FUT4: variants seen among roughly 807,000 people sequenced by gnomAD.
FUT4 encodes fucosyltransferase 4.
FUT4 carries 1 observed loss-of-function variant against 3.8 expected under a neutral mutation model. The ratio of observed to expected loss-of-function variants is 0.26; its 90% CI spans 0.09 to 1.25. The LOEUF is 1.25. Among genes scored for constraint, FUT4 ranks in the 50% most tolerant of loss-of-function variants. The pLI, the probability that FUT4 is intolerant of heterozygous loss-of-function variation, is 0.47. For synonymous variants in FUT4, 417 were observed against 355.3 expected (o/e 1.17, Z -1.95); for missense variants, 880 against 768.2 (o/e 1.15, Z -1.72).
chr11:94,545,452 T>A lies in FUT4; in HGVS notation c.1319T>A (p.Leu440Gln). 6.2e-7 allele frequency: 1 copy of A among 1,613,220 alleles called. No homozygotes were observed. Among genetic ancestry groups the A allele is most frequent in the Non-Finnish European group, 8.5e-7 (1 of 1,179,802 alleles). ...CTCGCTGGGGCGGTGCCGGTGGTGC[T>A]GGGCCCAGACCGTGCCAACTACGAG... ...ALLAGAVPVVLGPDRANYERF... is the reference protein window; with the variant it reads ...ALLAGAVPVVQGPDRANYERF... The change falls in exon 1 of 1, where the codon CTG becomes CAG. Residue 440 changes from leucine (L) to glutamine (Q), a missense_variant. Coordinates refer to ENST00000358752, the MANE Select transcript of FUT4 (RefSeq NM_002033.4).
In FUT4 at chr11:94,546,819, GA is replaced by G. The variant is rs1245346013; in HGVS notation, c.*1100del. On this transcript the variant is annotated 3_prime_UTR_variant, in exon 1 of 1. Transcript: ENST00000358752. ...ACTACATTATGGAATCATGCAAAAG[GA>G]AAAAAAGTTTCATGATATCTGTTGT... 1.8e-5 allele frequency: 3 copies of G among 166,720 alleles called. No homozygotes were observed. The highest frequency in any genetic ancestry group is 2.1e-4 in the South Asian group (1 of 4,824). 10.3% of individuals were successfully genotyped at this position (166,720 alleles called of 1,614,324 possible).
Position 94,544,530 on chromosome 11 carries a change from C to CCGACGG in FUT4, c.400_405dup (p.Thr134_Ala135dup), listed in dbSNP as rs2135196738. ...CGCCATGGGGGCACCGTGGGGCTCG[C>CCGACGG]CGACGGCGGCGGCGGGCGGGCGGCG... On this transcript the variant is annotated inframe_insertion, in exon 1 of 1. Transcript: ENST00000358752. 7.7e-7 allele frequency: 1 copy of CCGACGG among 1,293,886 alleles called. No homozygotes were observed. The highest frequency in any genetic ancestry group is 9.7e-7 in the Non-Finnish European group (1 of 1,029,066). The allele number at this position is 1,293,886 out of a possible 1,614,324, so 80.2% of individuals were successfully genotyped here.
At position 94,545,425 on chromosome 11, in the gene FUT4, T is replaced by C. The variant is rs1460750439; in HGVS notation, c.1292T>C (p.Leu431Ser). The change falls in exon 1 of 1, where the codon TTG becomes TCG. Residue 431 changes from leucine to serine, a missense_variant. By Grantham distance (145) the Leu-to-Ser change is moderately radical. Transcript: ENST00000358752. Reference sequence around the variant, plus strand: ...ACCGAGAAGCTCTGGCGCAACGCGTTGCTCGCTGGGGCGGTGCCGGTGGTG... The same window carrying C: ...ACCGAGAAGCTCTGGCGCAACGCGTCGCTCGCTGGGGCGGTGCCGGTGGTG... ...YITEKLWRNA[L>S]LAGAVPVVLG... is the part of the protein sequence containing the mutation. 1 of 1,613,238 alleles carries C rather than the reference T, an allele frequency of 6.2e-7. No individual in the cohort carries two copies. The highest frequency in any genetic ancestry group is 8.5e-7 in the Non-Finnish European group (1 of 1,179,798).
Position 94,545,084 on chromosome 11 carries a change from G to A in FUT4, c.951G>A (p.Thr317=). 6.2e-7 allele frequency: 1 copy of A among 1,612,606 alleles called. No individual in the cohort carries two copies. The highest frequency in any genetic ancestry group is 8.5e-7 in the Non-Finnish European group (1 of 1,179,748). ...TGGCAAGTAACCTCTTCAACTGGAC[G>A]CTCTCCTACCGGGCGGACTCGGACG... ...RSLASNLFNW[T]LSYRADSDVF... is the part of the protein sequence containing the mutation. The change falls in exon 1 of 1, where the codon ACG becomes ACA. Residue 317 remains threonine, a synonymous_variant. Coordinates refer to ENST00000358752, the MANE Select transcript of FUT4 (RefSeq NM_002033.4).
Position 94,545,823 on chromosome 11 carries a change from GTTC to G in FUT4, c.*101_*103del. Reference sequence around the variant, plus strand: ...CTTGACTGCCGCATCATGGGAGTAAGTTCTTCAAACACCCATTTTTGCTCTATG... The same window carrying G: ...CTTGACTGCCGCATCATGGGAGTAAGTTCAAACACCCATTTTTGCTCTATG... On this transcript the variant is annotated 3_prime_UTR_variant, in exon 1 of 1. Coordinates refer to ENST00000358752, the MANE Select transcript of FUT4 (RefSeq NM_002033.4). 1 of 1,415,748 alleles carries G rather than the reference GTTC, an allele frequency of 7.1e-7. No individual in the cohort carries two copies. The highest frequency in any genetic ancestry group is 9.8e-7 in the Non-Finnish European group (1 of 1,024,250). The allele number at this position is 1,415,748 out of a possible 1,614,324, so 87.7% of individuals were successfully genotyped here. A position where few individuals can be genotyped will look rare whatever the true frequency, so the allele number is the denominator to read the frequency against.
At position 94,544,411 on chromosome 11, in the gene FUT4, A is replaced by G. The variant is rs1329609422; in HGVS notation, c.278A>G (p.Gln93Arg). The change falls in exon 1 of 1, where the codon CAG becomes CGG. Residue 93 changes from glutamine (Q) to arginine (R), a missense_variant. Around this residue, in one of 3 missense-constraint regions of FUT4, gnomAD observed 447 missense variants for 339.5 expected, o/e 1.32. Transcript: ENST00000358752. ...CATTCCCGGGCCAGCGGCGAGCGGCAGCGACGGCTGGAGCCGCAGCTACAG... is the reference window on the plus strand; with the variant it reads ...CATTCCCGGGCCAGCGGCGAGCGGCGGCGACGGCTGGAGCCGCAGCTACAG... ...PFHSRASGER[Q>R]RRLEPQLQHE... 1 of 1,528,708 alleles carries G rather than the reference A, an allele frequency of 6.5e-7. No homozygotes were observed. Among genetic ancestry groups the G allele is most frequent in the Non-Finnish European group, 8.7e-7 (1 of 1,145,826 alleles). 94.7% of individuals were successfully genotyped at this position (1,528,708 alleles called of 1,614,324 possible). A position where few individuals can be genotyped will look rare whatever the true frequency, so the allele number is the denominator to read the frequency against.
rs1947865202 is a variant in FUT4, at chr11:94,546,692, A to G, written c.*966A>G. ...GGAAGCCATAGTGTCACTTCCACAC[A>G]ATTATTTATTTCATGTCTTTACTGG... On this transcript the variant is annotated 3_prime_UTR_variant, in exon 1 of 1. Transcript: ENST00000358752. 6.0e-6 allele frequency: 1 copy of G among 166,818 alleles called. No homozygotes were observed. Among genetic ancestry groups the G allele is most frequent in the Non-Finnish European group, 1.5e-5 (1 of 68,122 alleles). 10.3% of individuals were successfully genotyped at this position (166,818 alleles called of 1,614,324 possible).
In FUT4 at chr11:94,544,258, G is replaced by A. The variant is rs539435556; in HGVS notation, c.125G>A (p.Arg42Lys). The A allele has an allele frequency of 5.2e-6, 8 of 1,528,528 alleles. No homozygotes were observed. In the African/African-American group the frequency reaches 5.8e-5, roughly 11 times the overall value. 94.7% of individuals were successfully genotyped at this position (1,528,528 alleles called of 1,614,324 possible). Residue 42 changes from arginine (R) to lysine (K), a missense_variant, in exon 1 of 1, where the codon AGA becomes AAA. By Grantham distance (26) the Arg-to-Lys change is conservative. Coordinates refer to ENST00000358752, the MANE Select transcript of FUT4 (RefSeq NM_002033.4). ...CGGCTGGGCCCCGGGCGCAGTGGAA[G>A]AAAGGGACGGGCGGTGCCCGGTTGG... ...SGRLGPGRSGRKGRAVPGWAS... is the reference protein window; with the variant it reads ...SGRLGPGRSGKKGRAVPGWAS...
In FUT4 at chr11:94,544,154, G is replaced by A. The variant is rs1947826889; in HGVS notation, c.21G>A (p.Ala7=). The A allele has an allele frequency of 7.2e-7, 1 of 1,386,782 alleles. No individual in the cohort carries two copies. The highest frequency in any genetic ancestry group is 9.3e-7 in the Non-Finnish European group (1 of 1,072,036). The allele number at this position is 1,386,782 out of a possible 1,614,324, so 85.9% of individuals were successfully genotyped here. A position where few individuals can be genotyped will look rare whatever the true frequency, so the allele number is the denominator to read the frequency against. MRRLWG[A]ARKPSGAGWE... is the part of the protein sequence containing the mutation. ...AGCGGATGAGGCGCTTGTGGGGCGC[G>A]GCCCGGAAGCCCTCGGGCGCGGGCT... is the stretch of plus-strand genomic sequence containing the variant. Residue 7 remains alanine, a synonymous_variant, in exon 1 of 1, where the codon GCG becomes GCA. Coordinates refer to ENST00000358752, the MANE Select transcript of FUT4 (RefSeq NM_002033.4).
Position 94,544,279 on chromosome 11 carries a change from G to C in FUT4, c.146G>C (p.Gly49Ala). The change falls in exon 1 of 1, where the codon GGT becomes GCT. Residue 49 changes from glycine to alanine, a missense_variant. This residue lies in a region of FUT4 where 447 missense variants were observed against 339.5 expected (regional missense o/e 1.32). Transcript: ENST00000358752. ...RSGRKGRAVP[G>A]WASWPAHLAL... ...GGAAGAAAGGGACGGGCGGTGCCCG[G>C]TTGGGCGTCCTGGCCAGCTCACCTT... is the stretch of plus-strand genomic sequence containing the variant. 1 of 1,550,398 alleles carries C rather than the reference G, an allele frequency of 6.4e-7. No homozygotes were observed. The highest frequency in any genetic ancestry group is 8.7e-7 in the Non-Finnish European group (1 of 1,153,940).
In FUT4 at chr11:94,544,209, G is replaced by A; in HGVS notation, c.76G>A (p.Glu26Lys). 1.4e-6 allele frequency: 2 copies of A among 1,431,952 alleles called. No individual in the cohort carries two copies. The highest frequency in any genetic ancestry group is 1.8e-6 in the Non-Finnish European group (2 of 1,097,298). The allele number at this position is 1,431,952 out of a possible 1,614,324, so 88.7% of individuals were successfully genotyped here. A position where few individuals can be genotyped will look rare whatever the true frequency, so the allele number is the denominator to read the frequency against. ...WEKEWAEAPQ[E>K]APGAWSGRLG... ...GAAGGAGTGGGCGGAGGCGCCGCAGGAGGCTCCCGGGGCCTGGTCGGGCCG... is the reference window on the plus strand; with the variant it reads ...GAAGGAGTGGGCGGAGGCGCCGCAGAAGGCTCCCGGGGCCTGGTCGGGCCG... The change falls in exon 1 of 1, where the codon GAG becomes AAG. Residue 26 changes from glutamate (E) to lysine (K), a missense_variant. Transcript: ENST00000358752.
Position 94,544,258 on chromosome 11 carries a change from GA to G in FUT4, c.128del (p.Lys43ArgfsTer119). 6.5e-7 allele frequency: 1 copy of G among 1,528,528 alleles called. No individual in the cohort carries two copies. The highest frequency in any genetic ancestry group is 8.7e-7 in the Non-Finnish European group (1 of 1,143,996). 94.7% of individuals were successfully genotyped at this position (1,528,528 alleles called of 1,614,324 possible). ...CGGCTGGGCCCCGGGCGCAGTGGAA[GA>G]AAGGGACGGGCGGTGCCCGGTTGGG... ...SGRLGPGRSG[R>X]KGRAVPGWAS... On this transcript the variant is annotated frameshift_variant, in exon 1 of 1. Coordinates refer to ENST00000358752, the MANE Select transcript of FUT4 (RefSeq NM_002033.4). LOFTEE classifies it low-confidence loss of function (END_TRUNC).
At position 94,544,436 on chromosome 11, in the gene FUT4, G is replaced by C. The variant is rs1426491279; in HGVS notation, c.303G>C (p.Gln101His). Residue 101 changes from glutamine (Q) to histidine (H), a missense_variant, in exon 1 of 1, where the codon CAG becomes CAC. By Grantham distance (24) the Gln-to-His change is conservative. This residue lies in a region of FUT4 where 447 missense variants were observed against 339.5 expected (regional missense o/e 1.32). Transcript: ENST00000358752. ...AGCGACGGCTGGAGCCGCAGCTACA[G>C]CATGAGAGCCGGTGCCGCTCCTCCA... is the stretch of plus-strand genomic sequence containing the variant. ...ERQRRLEPQL[Q>H]HESRCRSSTP... 2.0e-6 allele frequency: 3 copies of C among 1,518,726 alleles called. No individual in the cohort carries two copies. The highest frequency in any genetic ancestry group is 2.6e-6 in the Non-Finnish European group (3 of 1,140,796). The allele number at this position is 1,518,726 out of a possible 1,614,324, so 94.1% of individuals were successfully genotyped here. A position where few individuals can be genotyped will look rare whatever the true frequency, so the allele number is the denominator to read the frequency against.
chr11:94,545,024 C>A lies in FUT4; in HGVS notation c.891C>A (p.Phe297Leu). The A allele has an allele frequency of 6.2e-7, 1 of 1,609,760 alleles. No individual in the cohort carries two copies. Among genetic ancestry groups the A allele is most frequent in the Non-Finnish European group, 8.5e-7 (1 of 1,177,876 alleles). Residue 297 changes from phenylalanine to leucine, a missense_variant, in exon 1 of 1, where the codon TTC (phenylalanine) becomes TTA (leucine). Around this residue, in one of 3 missense-constraint regions of FUT4, gnomAD observed 424 missense variants for 400.4 expected, o/e 1.06. Coordinates refer to ENST00000358752, the MANE Select transcript of FUT4 (RefSeq NM_002033.4). ...GCCAGCGCTGGGTTTGGATGAACTT[C>A]GAGTCGCCCTCGCACTCCCCGGGGC... Reference protein sequence around the residue: ...PPGQRWVWMNFESPSHSPGLR... With the variant: ...PPGQRWVWMNLESPSHSPGLR...
At position 94,549,673 on chromosome 11, in the gene FUT4, A is replaced by G. The variant is rs1204883108; in HGVS notation, c.*3947A>G. On this transcript the variant is annotated 3_prime_UTR_variant, in exon 1 of 1. Coordinates refer to ENST00000358752, the MANE Select transcript of FUT4 (RefSeq NM_002033.4). ...ATGTAAATTATATATATAGTATATTATATATATTTTTAAAGCTTTATATGC... is the reference window on the plus strand; with the variant it reads ...ATGTAAATTATATATATAGTATATTGTATATATTTTTAAAGCTTTATATGC... The G allele has an allele frequency of 6.0e-6, 1 of 166,238 alleles. No homozygotes were observed. The highest frequency in any genetic ancestry group is 1.5e-5 in the Non-Finnish European group (1 of 68,018). The allele number at this position is 166,238 out of a possible 1,614,324, so 10.3% of individuals were successfully genotyped here. A position where few individuals can be genotyped will look rare whatever the true frequency, so the allele number is the denominator to read the frequency against.
rs1947826518 is a variant in FUT4 at position 94,544,124 on chromosome 11, A to G, written c.-10A>G. 1.4e-6 allele frequency: 2 copies of G among 1,384,772 alleles called. No homozygotes were observed. Among genetic ancestry groups the G allele is most frequent in the Non-Finnish European group, 1.9e-6 (2 of 1,070,952 alleles). 85.8% of individuals were successfully genotyped at this position (1,384,772 alleles called of 1,614,324 possible). A position where few individuals can be genotyped will look rare whatever the true frequency, so the allele number is the denominator to read the frequency against. On this transcript the variant is annotated 5_prime_UTR_variant, in exon 1 of 1. Transcript: ENST00000358752. The stretch of plus-strand genomic sequence containing the variant: ...AACCGGATCAGTTGAGAGAGAATCA[A>G]GAGTAGCGGATGAGGCGCTTGTGGG...
At position 94,547,649 on chromosome 11, in the gene FUT4, C is replaced by A. The variant is rs1047442065; in HGVS notation, c.*1923C>A. 1.8e-5 allele frequency: 3 copies of A among 166,982 alleles called. No individual in the cohort carries two copies. The highest frequency in any genetic ancestry group is 2.9e-5 in the Non-Finnish European group (2 of 68,104). The allele number at this position is 166,982 out of a possible 1,614,324, so 10.3% of individuals were successfully genotyped here. A position where few individuals can be genotyped will look rare whatever the true frequency, so the allele number is the denominator to read the frequency against. On this transcript the variant is annotated 3_prime_UTR_variant, in exon 1 of 1. Transcript: ENST00000358752. ...AATTACAATTACAAAGTGCCAGCCA[C>A]CGAATAAAGATAAAAGTTCAGTTCT...
In FUT4 at chr11:94,548,110, A is replaced by G. The variant is rs1037601857; in HGVS notation, c.*2384A>G. 1.2e-5 allele frequency: 2 copies of G among 166,974 alleles called. No individual in the cohort carries two copies. The highest frequency in any genetic ancestry group is 4.8e-5 in the African/African-American group (2 of 41,438). The allele number at this position is 166,974 out of a possible 1,614,324, so 10.3% of individuals were successfully genotyped here. ...GAAGAAGCACCTAGGCTTTCTTTGA[A>G]AATATTTTTTTGGTTCGTTTTGGTA... is the stretch of plus-strand genomic sequence containing the variant. On this transcript the variant is annotated 3_prime_UTR_variant, in exon 1 of 1. Transcript: ENST00000358752.
At position 94,546,032 on chromosome 11, in the gene FUT4, A is replaced by G; in HGVS notation, c.*306A>G. The G allele has an allele frequency of 2.1e-6, 1 of 473,148 alleles. No homozygotes were observed. Among genetic ancestry groups the G allele is most frequent in the South Asian group, 2.0e-5 (1 of 49,668 alleles). The allele number at this position is 473,148 out of a possible 1,614,324, so 29.3% of individuals were successfully genotyped here. ...TGCAGAAATGAAATAGCTTAGCGGCAAGAAGCCGTTGAGGCGGTTTCCTGA... is the reference window on the plus strand; with the variant it reads ...TGCAGAAATGAAATAGCTTAGCGGCGAGAAGCCGTTGAGGCGGTTTCCTGA... On this transcript the variant is annotated 3_prime_UTR_variant, in exon 1 of 1. Transcript: ENST00000358752.
Sources: allele counts gnomAD v4.1 joint callset, GRCh38; gene constraint gnomAD v4.1.1; regional missense constraint gnomAD v4.1.1; transcripts MANE v1.5; gene names NCBI Gene and HGNC (gene_info 2026-07-23, HGNC 2026-07-21).